MAD1L1: variants seen among roughly 807,000 people sequenced by gnomAD.
MAD1L1 encodes the protein mitotic spindle assembly checkpoint protein MAD1.
In MAD1L1, 95 loss-of-function variants were observed where a neutral mutation model predicts 96.9. The observed-to-expected ratio is 0.98, with a 90% CI of 0.83 to 1.16. The LOEUF (loss-of-function observed/expected upper bound fraction) is 1.16. Ranked by LOEUF, MAD1L1 falls within the 50% of genes most tolerant of loss-of-function variation. The probability of loss-of-function intolerance (pLI) is 0.00; values close to 1 mark genes in which losing one functional copy is unlikely to be tolerated. For missense variants in MAD1L1, 1,007 were observed against 954.4 expected, an observed-to-expected ratio of 1.06 and a Z score of -0.73; for synonymous variants, 473 against 396.6, an observed-to-expected ratio of 1.19 and a Z score of -2.29.
chr7:1,836,001 G>C (rs548145752), intron 18 of MAD1L1, among the ~76,000 whole-genome samples: 1 of 152,290 alleles, frequency 6.6e-6, no homozygotes, highest in South Asian at 2.1e-4. Context: ...ATAATGAGCA[G>C]TGAGGATGAC....
intron 12 of MAD1L1, 49 bp from the exon 13 acceptor site, chr7:2,014,691 T>G (rs1584084447): frequency 6.4e-7 from 1 of 1,554,324 alleles, no homozygotes; most frequent in Non-Finnish European, 8.7e-7. Flanking sequence ...GGGGATGAGG[T>G]AATGATGGAG....
rs1019446503 is a variant in MAD1L1 at position 2,103,919 on chromosome 7, G to C, written c.1074-34581C>G. 4.6e-5 allele frequency among the ~76,000 whole-genome samples: 7 copies of C among 152,200 alleles called. No individual in the cohort carries two copies. Among genetic ancestry groups the C allele is most frequent in the African/African-American group, 1.7e-4 (7 of 41,460 alleles). On this transcript the variant is annotated intron_variant, in intron 11 of 18. Transcript: ENST00000265854. This position sits in a 1 kb window ranked among gnomAD's most constrained non-coding sequence, Gnocchi z 4.3. The stretch of plus-strand genomic sequence containing the variant: ...GCCACGCCATACAACACTCCACCCC[G>C]CTGGACGTCGGAGAAAGAGGCCCCC...
chr7:2,147,004 T>C (rs1789343266), intron 11 of MAD1L1, among the ~76,000 whole-genome samples: 1 of 152,082 alleles, frequency 6.6e-6, no homozygotes, highest in Non-Finnish European at 1.5e-5. Context: ...TCCTGGGCCT[T>C]GGAAGTGCAC....
intron 12 of MAD1L1, among the ~76,000 whole-genome samples, chr7:2,065,330 C>T (rs906653710): frequency 2.0e-5 from 3 of 152,232 alleles, no homozygotes; most frequent in South Asian, 2.1e-4. Context: ...AGGGTGGCAG[C>T]CGTGTCCAGG....
At chr7:2,136,566 A>ACCCTCC (rs1256940181) in intron 11 of MAD1L1, among the ~76,000 whole-genome samples, 1 of 151,626 alleles carries the variant, frequency 6.6e-6, no homozygotes, top group Non-Finnish European at 1.5e-5. Context: ...CAACACCAAC[A>ACCCTCC]CCCTCCCTCA....
At chr7:1,850,297 A>G (rs2128640058) in intron 18 of MAD1L1, among the ~76,000 whole-genome samples, 1 of 152,222 alleles carries the variant, frequency 6.6e-6, no homozygotes, top group East Asian at 1.9e-4. Flanking sequence ...TCCCATCGCT[A>G]GACATCCTTT....
intron 15 of MAD1L1, among the ~76,000 whole-genome samples, chr7:1,969,664 C>CAAAAAAAA (rs1780321148): frequency 6.6e-6 from 1 of 152,152 alleles, no homozygotes; most frequent in African/African-American, 2.4e-5. Flanking sequence ...ACAAAATCAG[C>CAAAAAAAA]AAAGTTGCAA....
intron 11 of MAD1L1, among the ~76,000 whole-genome samples, chr7:2,086,449 G>A (rs1785922446): frequency 1.3e-5 from 2 of 152,278 alleles, no homozygotes; most frequent in South Asian, 4.1e-4. Flanking sequence ...GAGCACGACA[G>A]AGACAGCACA....
intron 10 of MAD1L1, among the ~76,000 whole-genome samples, chr7:2,179,685 T>G (rs1280718685): frequency 1.3e-5 from 2 of 150,466 alleles, no homozygotes; most frequent in Non-Finnish European, 3.0e-5. Context: ...AAGTCCTGTC[T>G]TAGGCCGAGC....
intron 18 of MAD1L1, among the ~76,000 whole-genome samples, chr7:1,817,685 G>A (rs1421845105): frequency 6.6e-6 from 1 of 152,156 alleles, no homozygotes; most frequent in African/African-American, 2.4e-5. Flanking sequence ...GACTAATGGA[G>A]CGCTAGACGT....
At chr7:1,916,339 A>T (rs1451115820) in intron 17 of MAD1L1, among the ~76,000 whole-genome samples, 1 of 152,214 alleles carries the variant, frequency 6.6e-6, no homozygotes, top group African/African-American at 2.4e-5. Context: ...GACTCATGAC[A>T]GCCAAAAAGT....
At chr7:1,890,971 C>T (rs983008663) in intron 18 of MAD1L1, among the ~76,000 whole-genome samples, 2 of 152,190 alleles carry the variant, frequency 1.3e-5, no homozygotes, top group African/African-American at 4.8e-5. Context: ...ACGCCAGCAG[C>T]GGGCTCTGTG....
At chr7:1,926,922 A>C (rs533204068) in intron 17 of MAD1L1, among the ~76,000 whole-genome samples, 2 of 152,336 alleles carry the variant, frequency 1.3e-5, no homozygotes, top group Non-Finnish European at 1.5e-5. Context: ...TATGGATCTT[A>C]ACAAAATAAG....
At chr7:1,838,611 C>A in intron 18 of MAD1L1, 1 of 387,854 alleles carries the variant, frequency 2.6e-6, no homozygotes, top group Non-Finnish European at 5.5e-6. Flanking sequence ...CATCTCCCTG[C>A]AACACTGCAG....
At chr7:2,170,423 G>A (rs940894304) in intron 10 of MAD1L1, among the ~76,000 whole-genome samples, 4 of 152,232 alleles carry the variant, frequency 2.6e-5, no homozygotes, top group African/African-American at 9.6e-5. Flanking sequence ...AGGGCAGAGG[G>A]AGTGGGAGAA....
intron 10 of MAD1L1, among the ~76,000 whole-genome samples, chr7:2,191,493 G>C (rs1791714767): frequency 6.6e-6 from 1 of 152,186 alleles, no homozygotes; most frequent in African/African-American, 2.4e-5. Flanking sequence ...CATTTTGGGA[G>C]GCTGAGGCAG....
At chr7:1,888,918 T>A (rs1786361492) in intron 18 of MAD1L1, among the ~76,000 whole-genome samples, 1 of 152,234 alleles carries the variant, frequency 6.6e-6, no homozygotes. Flanking sequence ...CCTCCCGCAA[T>A]CACCCTGCAG....
chr7:1,960,000 A>G (rs1779886673), intron 15 of MAD1L1, among the ~76,000 whole-genome samples: 1 of 152,258 alleles, frequency 6.6e-6, no homozygotes, highest in African/African-American at 2.4e-5. Context: ...GATTTAATAT[A>G]TAGAATAAAT....
At chr7:2,182,371 G>A (rs1791242929) in intron 10 of MAD1L1, among the ~76,000 whole-genome samples, 1 of 151,848 alleles carries the variant, frequency 6.6e-6, no homozygotes, top group African/African-American at 2.4e-5. Flanking sequence ...AGAGAAACCG[G>A]AATCTTCATA....
Sources: allele counts gnomAD v4.1 joint callset (sites outside exome capture counted in the v4.1 genomes callset), GRCh38; gene constraint gnomAD v4.1.1; non-coding constraint Gnocchi (gnomAD v3.1); transcripts MANE v1.5; gene names NCBI Gene and HGNC (gene_info 2026-07-23, HGNC 2026-07-21).